DHX38: variants seen among roughly 807,000 people sequenced by gnomAD.
DHX38 encodes the protein pre-mRNA-splicing factor ATP-dependent RNA helicase PRP16.
DHX38 carries 100 observed loss-of-function variants against 153.1 expected under a neutral mutation model. The observed-to-expected ratio is 0.65, with a 90% CI of 0.56 to 0.77. DHX38 has a LOEUF of 0.77. Among genes scored for constraint, DHX38 ranks in the 30% least tolerant of loss-of-function variants. The probability of loss-of-function intolerance (pLI) is 0.00; values close to 1 mark genes in which losing one functional copy is unlikely to be tolerated. For missense variants in DHX38, 1,440 were observed against 1,654.0 expected, an observed-to-expected ratio of 0.87 and a Z score of 2.24; for synonymous variants, 650 against 631.7, an observed-to-expected ratio of 1.03 and a Z score of -0.43.
chr16:72,111,043 G>A lies in DHX38; in HGVS notation c.3565G>A (p.Glu1189Lys). 1 of 1,576,234 alleles carries A rather than the reference G, an allele frequency of 6.3e-7. No individual in the cohort carries two copies. Among genetic ancestry groups the A allele is most frequent in the Non-Finnish European group, 8.6e-7 (1 of 1,161,100 alleles). ...AEEQLRARRQ[E>K]QEKRSPLGSV... ...GGAGCAGCTGCGAGCCCGGCGGCAGGAGCAGGAGAAGCGCAGCCCCCTGGG... is the reference window on the plus strand; with the variant it reads ...GGAGCAGCTGCGAGCCCGGCGGCAGAAGCAGGAGAAGCGCAGCCCCCTGGG... The change falls in exon 26 of 27, where the codon GAG becomes AAG. Residue 1189 changes from glutamate to lysine, a missense_variant. Coordinates refer to ENST00000268482, the MANE Select transcript of DHX38 (RefSeq NM_014003.4).
chr16:72,106,217 C>A, intron 19 of DHX38, 100 bp downstream of exon 19: 1 of 1,122,230 alleles, frequency 8.9e-7, no homozygotes, highest in Non-Finnish European at 1.3e-6. Flanking sequence ...AGAGCTGGTC[C>A]CCAAGGCTGG....
At position 72,104,200 on chromosome 16, in the gene DHX38, G is replaced by A; in HGVS notation, c.2010+69G>A. 1 of 1,562,686 alleles carries A rather than the reference G, an allele frequency of 6.4e-7. No homozygotes were observed. The highest frequency in any genetic ancestry group is 8.7e-7 in the Non-Finnish European group (1 of 1,147,960). ...CCAGTGCACCACCAGTAGCTAGTGG[G>A]TTGCTCCAGGTGGGCTGAGGGGGTC... On this transcript the variant is annotated intron_variant, in intron 14 of 26. Coordinates refer to ENST00000268482, the MANE Select transcript of DHX38 (RefSeq NM_014003.4). This position sits in a 1 kb window ranked among gnomAD's most constrained non-coding sequence, Gnocchi z 4.5.
Position 72,108,345 on chromosome 16 carries a change from G to C in DHX38, c.3083G>C (p.Cys1028Ser). 1 of 1,614,170 alleles carries C rather than the reference G, an allele frequency of 6.2e-7. No homozygotes were observed. The highest frequency in any genetic ancestry group is 8.5e-7 in the Non-Finnish European group (1 of 1,180,038). ...AACAATAATTACTCCACCATCTGGT[G>C]TAACGATCATTTCATCCATGCTAAG... ...WKNNNYSTIW[C>S]NDHFIHAKAM... The change falls in exon 22 of 27, where the codon TGT becomes TCT. Residue 1028 changes from cysteine (C) to serine (S), a missense_variant. By Grantham distance (112) the Cys-to-Ser change is moderately radical (BLOSUM62 -1). Transcript: ENST00000268482.
chr16:72,106,658 A>G (rs1313774287), intron 19 of DHX38, among the ~76,000 whole-genome samples: 4 of 152,098 alleles, frequency 2.6e-5, no homozygotes, highest in Non-Finnish European at 4.4e-5. Context: ...TATGTTGCCC[A>G]GGCTGGTATT....
rs2042257354 is a variant in DHX38, at chr16:72,111,603, CA to C, written c.3599+531del. ...ACTTACCATTATAGCTTTATTATAC[CA>C]AAAAGGTACAAATTAGAACCAGCCA... On this transcript the variant is annotated intron_variant, in intron 26 of 26. Coordinates refer to ENST00000268482, the MANE Select transcript of DHX38 (RefSeq NM_014003.4). Among the ~76,000 whole-genome samples the C allele has an allele frequency of 1.3e-5, 2 of 152,134 alleles. 1 individual carries two copies. Among genetic ancestry groups the C allele is most frequent in the Non-Finnish European group, 2.9e-5 (2 of 68,024 alleles).
Position 72,107,810 on chromosome 16 carries a change from G to T in DHX38, c.2964+11G>T. On this transcript the variant is annotated intron_variant, in intron 21 of 26. Coordinates refer to ENST00000268482, the MANE Select transcript of DHX38 (RefSeq NM_014003.4). The surrounding 1 kb of genome is among the most constrained non-coding windows in gnomAD (Gnocchi z 5.3). Reference sequence around the variant, plus strand: ...TTCTACAGGCCCAAGGTGGGGCAGCGGCTGGCTCCCCTCTCCCCGGAGGGC... The same window carrying T: ...TTCTACAGGCCCAAGGTGGGGCAGCTGCTGGCTCCCCTCTCCCCGGAGGGC... 1 of 1,611,898 alleles carries T rather than the reference G, an allele frequency of 6.2e-7. No individual in the cohort carries two copies.
At position 72,103,683 on chromosome 16, in the gene DHX38, T is replaced by C; in HGVS notation, c.1719T>C (p.Gly573=). Reference sequence around the variant, plus strand: ...TGACGCAGTACCTGCATGAAGATGGTTACACGGACTATGGGATGATTGGGT... The same window carrying C: ...TGACGCAGTACCTGCATGAAGATGGCTACACGGACTATGGGATGATTGGGT... The part of the protein sequence containing the change: ...TQLTQYLHED[G]YTDYGMIGCT... The change falls in exon 13 of 27, where the codon GGT becomes GGC. Residue 573 remains glycine (G), a synonymous_variant. Transcript: ENST00000268482. 6.2e-7 allele frequency: 1 copy of C among 1,614,166 alleles called. No individual in the cohort carries two copies. The highest frequency in any genetic ancestry group is 1.1e-5 in the South Asian group (1 of 91,086).
chr16:72,103,017 T>G (rs556552656), intron 11 of DHX38, 57 bp from the exon 12 acceptor site: 6 of 1,592,558 alleles, frequency 3.8e-6, no homozygotes, highest in Admixed American at 3.4e-5. Context: ...AGCAACCCAA[T>G]CAGGAAGGAC....
intron 19 of DHX38, among the ~76,000 whole-genome samples, chr16:72,106,908 T>C (rs529185124): frequency 1.2e-4 from 18 of 152,314 alleles, no homozygotes; most frequent in African/African-American, 4.1e-4. Flanking sequence ...TGGTGGCTCA[T>C]GCCTGTAATC....
chr16:72,106,885 A>T (rs72787068), intron 19 of DHX38, among the ~76,000 whole-genome samples: 4 of 152,364 alleles, frequency 2.6e-5, no homozygotes, highest in African/African-American at 4.8e-5. Flanking sequence ...GAAATGAAAC[A>T]GATGGCTGGG....
chr16:72,103,323 A>C, intron 12 of DHX38, 112 bp downstream of exon 12: 10 of 1,429,350 alleles, frequency 7.0e-6, no homozygotes. Flanking sequence ...TGGAGAAGGG[A>C]AATACTTTTT....
At chr16:72,109,643 G>C in intron 25 of DHX38, 133 bp downstream of exon 25, 1 of 833,506 alleles carries the variant, frequency 1.2e-6, no homozygotes, top group East Asian at 3.4e-5. Flanking sequence ...TGATCCAGCA[G>C]GCTGGGTCTG....
chr16:72,110,900 GCCTCCT>G, intron 25 of DHX38, 50 bp from the exon 26 acceptor site: 2 of 1,519,944 alleles, frequency 1.3e-6, no homozygotes, highest in Admixed American at 2.1e-5. Flanking sequence ...TGCCGACGAG[GCCTCCT>G]TCCTTAGTGG....
intron 26 of DHX38, among the ~76,000 whole-genome samples, 191 bp downstream of exon 26, chr16:72,111,268 G>A (rs781131752): frequency 3.9e-5 from 6 of 152,244 alleles, no homozygotes; most frequent in Non-Finnish European, 7.3e-5. Flanking sequence ...TTAAAGGAGC[G>A]ACAGTACACC....
intron 12 of DHX38, 33 bp from the exon 13 acceptor site, chr16:72,103,569 G>C: frequency 1.3e-6 from 2 of 1,586,902 alleles, no homozygotes; most frequent in Non-Finnish European, 1.7e-6. Context: ...TTCCACTTCG[G>C]CTGATAAGCC....
intron 3 of DHX38, chr16:72,097,210 C>T: frequency 3.8e-6 from 2 of 524,510 alleles, no homozygotes; most frequent in Non-Finnish European, 6.6e-6. Flanking sequence ...AGCTGCTCTC[C>T]TTGAGTGTGT....
At position 72,107,828 on chromosome 16, in the gene DHX38, C is replaced by T. The variant is rs199750951; in HGVS notation, c.2964+29C>T. 1,666 of 1,607,374 alleles carry T rather than the reference C, an allele frequency of 1.0e-3. 3 individuals are homozygous for T. The highest frequency in any genetic ancestry group is 1.3e-3 in the Non-Finnish European group (1,572 of 1,177,536). On this transcript the variant is annotated intron_variant, in intron 21 of 26. Coordinates refer to ENST00000268482, the MANE Select transcript of DHX38 (RefSeq NM_014003.4). This position sits in a 1 kb window ranked among gnomAD's most constrained non-coding sequence, Gnocchi z 5.3. ...GGGCAGCGGCTGGCTCCCCTCTCCCCGGAGGGCTCGAGGAAGTGTTGGGGA... is the reference window on the plus strand; with the variant it reads ...GGGCAGCGGCTGGCTCCCCTCTCCCTGGAGGGCTCGAGGAAGTGTTGGGGA...
Position 72,112,496 on chromosome 16 carries a change from G to GGAC in DHX38, c.3683_3684insGAC (p.Ter1228delinsTrpThr). 6.2e-7 allele frequency: 1 copy of GGAC among 1,612,036 alleles called. No individual in the cohort carries two copies. Among genetic ancestry groups the GGAC allele is most frequent in the Admixed American group, 1.7e-5 (1 of 60,030 alleles). ...CGCACGCCAGCCCGCTTTGGTCTGTGAGCTGAGGCTGTCCCCAGAGAGGAT... is the reference window on the plus strand; with the variant it reads ...CGCACGCCAGCCCGCTTTGGTCTGTGGACAGCTGAGGCTGTCCCCAGAGAGGAT... On this transcript the variant is annotated stop_lost, in exon 27 of 27. Coordinates refer to ENST00000268482, the MANE Select transcript of DHX38 (RefSeq NM_014003.4).
At chr16:72,094,521 C>T (rs1052652198) in intron 1 of DHX38, 20 of 152,198 alleles carry the variant, frequency 1.3e-4, no homozygotes, top group Non-Finnish European at 4.4e-5. Context: ...TCAGGGACAC[C>T]CTCAGTGAAT....
Sources: gnomAD v4.1 joint callset for allele counts (sites outside exome capture counted in the v4.1 genomes callset) on GRCh38, gnomAD v4.1.1 for gene constraint, Gnocchi (gnomAD v3.1) non-coding constraint, MANE v1.5 for transcripts, NCBI Gene and HGNC (gene_info 2026-07-23, HGNC 2026-07-21) for gene names.